Variants in TANGO6 observed in about 807,000 individuals in gnomAD.
TANGO6 encodes transport and golgi organization 6 homolog.
In TANGO6, 90 loss-of-function variants were observed where a neutral mutation model predicts 114.2. That is an observed-to-expected ratio of 0.79 (90% confidence interval 0.66 to 0.94). The LOEUF (loss-of-function observed/expected upper bound fraction) is 0.94. Ranked by LOEUF, TANGO6 falls within the 40% of genes least tolerant of loss-of-function variation. The probability of loss-of-function intolerance (pLI) is 0.00; values close to 1 mark genes in which losing one functional copy is unlikely to be tolerated. For missense variants in TANGO6, 1,274 were observed against 1,315.3 expected (o/e 0.97, Z 0.49); for synonymous variants, 477 against 509.8 (o/e 0.94, Z 0.87).
Position 68,882,878 on chromosome 16 carries a change from C to T in TANGO6, c.1377+2248C>T, listed in dbSNP as rs780707406. ...CTAAAAATACAAAAAATTAGCCGGA[C>T]GTTGTGGTACGCGCCTGTAGTCCGA... On this transcript the variant is annotated intron_variant, in intron 7 of 17. Coordinates refer to ENST00000261778, the MANE Select transcript of TANGO6 (RefSeq NM_024562.2). Among the ~76,000 whole-genome samples the T allele has an allele frequency of 3.9e-5, 6 of 152,014 alleles. No homozygotes were observed. The East Asian group carries it at 5.9e-4, about 15-fold the overall frequency.
intron 11 of TANGO6, among the ~76,000 whole-genome samples, chr16:68,915,783 A>G (rs1962995754): frequency 6.6e-6 from 1 of 152,200 alleles, no homozygotes; most frequent in Non-Finnish European, 1.5e-5. Context: ...TTGCTTCAGA[A>G]GACAAGTGTT....
At chr16:69,066,479 T>G (rs747849499) in intron 17 of TANGO6, among the ~76,000 whole-genome samples, 20 of 151,886 alleles carry the variant, frequency 1.3e-4, no homozygotes, top group Admixed American at 1.1e-3. Flanking sequence ...GTATTTTTAG[T>G]AGAGACAGGG....
chr16:68,932,337 C>T (rs927220680), intron 14 of TANGO6, among the ~76,000 whole-genome samples: 10 of 149,876 alleles, frequency 6.7e-5, no homozygotes, highest in African/African-American at 9.9e-5. Flanking sequence ...GTGATCCACC[C>T]GCCTCGGCCT....
At chr16:68,875,605 A>G (rs979489004) in intron 5 of TANGO6, among the ~76,000 whole-genome samples, 1 of 151,668 alleles carries the variant, frequency 6.6e-6, no homozygotes, top group Non-Finnish European at 1.5e-5. Flanking sequence ...CGTCTCTACT[A>G]AAAAAAATAC....
intron 6 of TANGO6, among the ~76,000 whole-genome samples, chr16:68,880,297 G>C (rs759909154): frequency 6.6e-6 from 1 of 152,066 alleles, no homozygotes; most frequent in Non-Finnish European, 1.5e-5. Flanking sequence ...AAGTGATAAT[G>C]TGCTATAGGT....
intron 12 of TANGO6, among the ~76,000 whole-genome samples, chr16:68,922,586 A>T (rs999979094): frequency 1.3e-5 from 2 of 152,068 alleles, no homozygotes; most frequent in Non-Finnish European, 2.9e-5. Context: ...TGCTGACAAG[A>T]TAACTGTAGT....
Position 69,083,518 on chromosome 16 carries a change from C to A in TANGO6, c.3142C>A (p.Leu1048Met). ...LSAVLKDLYH[L>M]LKHVVCLEPD... Reference sequence around the variant, plus strand: ...CGCCGTCCTCAAGGATCTCTACCACCTGCTGAAGCACGTAGTGTGTCTGGA... The same window carrying A: ...CGCCGTCCTCAAGGATCTCTACCACATGCTGAAGCACGTAGTGTGTCTGGA... Residue 1048 changes from leucine to methionine, a missense_variant, in exon 18 of 18, where the codon CTG becomes ATG. Transcript: ENST00000261778. 1 of 1,612,578 alleles carries A rather than the reference C, an allele frequency of 6.2e-7. No individual in the cohort carries two copies. Among genetic ancestry groups the A allele is most frequent in the Non-Finnish European group, 8.5e-7 (1 of 1,179,358 alleles).
intron 9 of TANGO6, among the ~76,000 whole-genome samples, chr16:68,906,872 C>T (rs1345507442): frequency 6.6e-6 from 1 of 151,134 alleles, no homozygotes; most frequent in Non-Finnish European, 1.5e-5. Context: ...CGGCTCACTG[C>T]ACCCTCCGCC....
chr16:68,881,797 A>G (rs1597003064), intron 7 of TANGO6, among the ~76,000 whole-genome samples: 1 of 152,190 alleles, frequency 6.6e-6, no homozygotes, highest in African/African-American at 2.4e-5. Flanking sequence ...TGCTTTTGGA[A>G]AGCAAATGAA....
chr16:69,047,902 T>G (rs911780863), intron 17 of TANGO6, among the ~76,000 whole-genome samples: 2 of 152,208 alleles, frequency 1.3e-5, no homozygotes, highest in African/African-American at 2.4e-5. Context: ...GTTTTCTTCC[T>G]TGTAATCCCT....
At chr16:69,056,997 CTTTTTTTTTTTTT>C (rs71148961) in intron 17 of TANGO6, among the ~76,000 whole-genome samples, 4 of 59,862 alleles carry the variant, frequency 6.7e-5, no homozygotes, top group African/African-American at 2.0e-4. Flanking sequence ...GCCTGATTTT[CTTTTTTTTTTTTT>C]TTTTTTTTTT....
At chr16:69,043,170 G>A (rs1192120564) in intron 17 of TANGO6, among the ~76,000 whole-genome samples, 1 of 152,170 alleles carries the variant, frequency 6.6e-6, no homozygotes, top group Admixed American at 6.5e-5. Flanking sequence ...AGGTTGCAGT[G>A]AGCCAAGATC....
chr16:68,918,641 G>A (rs546676060), intron 11 of TANGO6, among the ~76,000 whole-genome samples: 1 of 152,330 alleles, frequency 6.6e-6, no homozygotes, highest in South Asian at 2.1e-4. Context: ...TTTATTAAGT[G>A]TATGGCCTTA....
chr16:68,999,393 G>C (rs901014388), intron 15 of TANGO6, among the ~76,000 whole-genome samples: 1 of 152,060 alleles, frequency 6.6e-6, no homozygotes, highest in Non-Finnish European at 1.5e-5. Flanking sequence ...TTTCCTAAGG[G>C]GCTTTTATTG....
intron 7 of TANGO6, among the ~76,000 whole-genome samples, chr16:68,881,595 A>G (rs574758616): frequency 6.6e-6 from 1 of 152,306 alleles, no homozygotes; most frequent in African/African-American, 2.4e-5. Flanking sequence ...AATTGAATCT[A>G]CTTTATAACT....
chr16:68,980,407 CTCTA>C (rs1220696002), intron 15 of TANGO6, among the ~76,000 whole-genome samples: 1,396 of 67,362 alleles, frequency 0.021, 57 homozygotes, highest in African/African-American at 0.085. Flanking sequence ...CTCTCTCTCT[CTCTA>C]TATATATATA....
intron 12 of TANGO6, among the ~76,000 whole-genome samples, chr16:68,925,093 A>G (rs1331561244): frequency 6.6e-6 from 1 of 151,814 alleles, no homozygotes; most frequent in African/African-American, 2.4e-5. Context: ...GGCGGATCAC[A>G]TGAGGTCAGG....
At chr16:68,982,486 C>T (rs1317077242) in intron 15 of TANGO6, among the ~76,000 whole-genome samples, 5 of 151,996 alleles carry the variant, frequency 3.3e-5, no homozygotes, top group African/African-American at 7.3e-5. Flanking sequence ...CCTGCCACCA[C>T]GCCCCGCTAA....
At chr16:68,897,940 G>T (rs1030988255) in intron 7 of TANGO6, among the ~76,000 whole-genome samples, 1 of 152,110 alleles carries the variant, frequency 6.6e-6, no homozygotes, top group African/African-American at 2.4e-5. Context: ...TTGAGTTCTT[G>T]TTAAAGTTTG....
Sources: gnomAD v4.1 joint callset for allele counts (sites outside exome capture counted in the v4.1 genomes callset) on GRCh38, gnomAD v4.1.1 for gene constraint, MANE v1.5 for transcripts, NCBI Gene and HGNC (gene_info 2026-07-23, HGNC 2026-07-21) for gene names.